The following ATXN7L1 variants were observed in gnomAD, a reference collection of about 807,000 sequenced individuals.
ATXN7L1 encodes the protein ataxin 7 like 1, also known as ataxin-7-like protein 1.
In ATXN7L1, 15 loss-of-function variants were observed where a neutral mutation model predicts 70.8. The observed-to-expected ratio is 0.21, with a 90% CI of 0.14 to 0.33. The LOEUF is 0.33. ATXN7L1 is among the 10% of genes least tolerant of loss of function. The pLI is 1.00. For missense variants in ATXN7L1, 975 were observed against 1,097.1 expected, an observed-to-expected ratio of 0.89 and a Z score of 1.57; for synonymous variants, 440 against 445.1, an observed-to-expected ratio of 0.99 and a Z score of 0.14.
chr7:105,660,113 A>G (rs114102474), intron 4 of ATXN7L1, among the ~76,000 whole-genome samples: 2,600 of 151,078 alleles, frequency 0.017, 71 homozygotes, highest in African/African-American at 0.06. Flanking sequence ...TATTTATCTC[A>G]CCCAGCCCCT....
At chr7:105,767,929 A>G (rs1433726636) in intron 3 of ATXN7L1, among the ~76,000 whole-genome samples, 7 of 152,226 alleles carry the variant, frequency 4.6e-5, no homozygotes, top group Non-Finnish European at 1.0e-4. Context: ...TGCAGTGTGA[A>G]AAGACAGAGG....
chr7:105,736,392 T>C (rs1253673943), intron 3 of ATXN7L1, among the ~76,000 whole-genome samples: 1 of 152,214 alleles, frequency 6.6e-6, no homozygotes, highest in Non-Finnish European at 1.5e-5. Context: ...GAAAACTCTC[T>C]CTGGGTTTTC....
chr7:105,654,172 C>T (rs1439064459), intron 4 of ATXN7L1, among the ~76,000 whole-genome samples: 1 of 152,212 alleles, frequency 6.6e-6, no homozygotes. Context: ...AGTTAAATCA[C>T]ATAACACAAT....
At chr7:105,654,940 A>G (rs1800392093) in intron 4 of ATXN7L1, among the ~76,000 whole-genome samples, 1 of 149,436 alleles carries the variant, frequency 6.7e-6, no homozygotes, top group Admixed American at 6.7e-5. Flanking sequence ...TTTAGTAGAG[A>G]CAGGGTTTCA....
intron 4 of ATXN7L1, among the ~76,000 whole-genome samples, chr7:105,658,348 C>T (rs370885174): frequency 2.6e-5 from 4 of 152,012 alleles, no homozygotes; most frequent in African/African-American, 7.3e-5. Context: ...CCACTTGTTC[C>T]TAGATTACAA....
rs1554431619 is a variant in ATXN7L1, at chr7:105,692,407, T to TTCCTTCCTTCCTTCCTTCCCTCCC, written c.356-27120_356-27119insGGGAGGGAAGGAAGGAAGGAAGGA. On this transcript the variant is annotated intron_variant, in intron 3 of 11. Coordinates refer to ENST00000419735, the MANE Select transcript of ATXN7L1 (RefSeq NM_020725.2). ...CTTCCTTCCTTCCTTCCTTCCTTCC[T>TTCCTTCCTTCCTTCCTTCCCTCCC]TCCTTCCTTCCTTCCTTCCTCCCTC... is the stretch of plus-strand genomic sequence containing the variant. Among the ~76,000 whole-genome samples, 342 of 82,282 alleles carry TTCCTTCCTTCCTTCCTTCCCTCCC rather than the reference T, an allele frequency of 4.2e-3. 11 individuals are homozygous for TTCCTTCCTTCCTTCCTTCCCTCCC. The highest frequency in any genetic ancestry group is 0.013 in the African/African-American group (292 of 23,322). 54.0% of individuals were successfully genotyped at this position (82,282 alleles called of 152,430 possible).
chr7:105,644,042 C>T (rs1798642062), intron 4 of ATXN7L1, among the ~76,000 whole-genome samples: 1 of 152,170 alleles, frequency 6.6e-6, no homozygotes, highest in Non-Finnish European at 1.5e-5. Context: ...GGGAAGAATG[C>T]TAACATGGGC....
At chr7:105,643,736 A>G (rs748487380) in intron 4 of ATXN7L1, among the ~76,000 whole-genome samples, 16 of 152,236 alleles carry the variant, frequency 1.1e-4, no homozygotes, top group Non-Finnish European at 1.8e-4. Flanking sequence ...ATTATCCAAT[A>G]TTCCATTTTA....
chr7:105,644,344 T>A (rs1349406126), intron 4 of ATXN7L1, among the ~76,000 whole-genome samples: 2 of 152,192 alleles, frequency 1.3e-5, no homozygotes, highest in Non-Finnish European at 2.9e-5. Context: ...TTGTTACAGA[T>A]CTTTGCCAGC....
At chr7:105,815,437 G>A (rs1400491955) in intron 2 of ATXN7L1, among the ~76,000 whole-genome samples, 1 of 152,186 alleles carries the variant, frequency 6.6e-6, no homozygotes, top group Non-Finnish European at 1.5e-5. Context: ...AGAAAAACAG[G>A]TTGCATCAAG....
chr7:105,775,197 G>A (rs905823825), intron 3 of ATXN7L1, among the ~76,000 whole-genome samples: 2 of 152,156 alleles, frequency 1.3e-5, no homozygotes, highest in East Asian at 1.9e-4. Flanking sequence ...GCCCTGCAAA[G>A]GAGCAAGGGA....
chr7:105,864,456 CA>C (rs34739253), intron 2 of ATXN7L1, among the ~76,000 whole-genome samples: 10,710 of 40,618 alleles, frequency 0.26, 503 homozygotes, highest in East Asian at 0.53. Flanking sequence ...GGCCCTGTCT[CA>C]AAAAAAAAAA....
chr7:105,699,747 G>A (rs923343823), intron 3 of ATXN7L1, among the ~76,000 whole-genome samples: 2 of 152,094 alleles, frequency 1.3e-5, no homozygotes, highest in Non-Finnish European at 2.9e-5. Context: ...CATGATGATT[G>A]CCCCATCATC....
chr7:105,656,008 G>A (rs1481860010), intron 4 of ATXN7L1, among the ~76,000 whole-genome samples: 1 of 152,242 alleles, frequency 6.6e-6, no homozygotes, highest in Admixed American at 6.5e-5. Flanking sequence ...CAACACACAC[G>A]TGTGGGTTGA....
chr7:105,754,402 T>C (rs1036201885), intron 3 of ATXN7L1, among the ~76,000 whole-genome samples: 24 of 141,766 alleles, frequency 1.7e-4, no homozygotes, highest in South Asian at 2.2e-4. Context: ...TCTTTCTTTC[T>C]TTTTTTTTTT....
chr7:105,618,085 C>T (rs778264525), intron 9 of ATXN7L1: 5 of 456,366 alleles, frequency 1.1e-5, no homozygotes, highest in East Asian at 6.9e-5. Flanking sequence ...CCCTGTGGCT[C>T]GGGTTTCTGT....
chr7:105,692,420 TCCTTCCTCCCTC>T (rs1175808126), intron 3 of ATXN7L1, among the ~76,000 whole-genome samples: 4 of 112,028 alleles, frequency 3.6e-5, no homozygotes, highest in African/African-American at 1.4e-4. Context: ...CTTCCTTCCT[TCCTTCCTCCCTC>T]CCTCCCTCCC....
At chr7:105,714,686 ACAG>A (rs973686286) in intron 3 of ATXN7L1, among the ~76,000 whole-genome samples, 41 of 152,096 alleles carry the variant, frequency 2.7e-4, no homozygotes, top group African/African-American at 9.6e-4. Context: ...TGTTTTTGAG[ACAG>A]TCTCGCTCTG....
At chr7:105,669,534 T>C (rs555251922) in intron 3 of ATXN7L1, among the ~76,000 whole-genome samples, 24 of 152,320 alleles carry the variant, frequency 1.6e-4, no homozygotes, top group African/African-American at 5.8e-4. Flanking sequence ...CAGTATGTCC[T>C]ACTTGTGAAA....
Sources: allele counts gnomAD v4.1 joint callset (sites outside exome capture counted in the v4.1 genomes callset), GRCh38; gene constraint gnomAD v4.1.1; transcripts MANE v1.5; gene names NCBI Gene and HGNC (gene_info 2026-07-23, HGNC 2026-07-21).